Variants in PHACTR4 observed in about 807,000 individuals in gnomAD.
PHACTR4 encodes the protein protein phosphatase 1, regulatory subunit 124.
PHACTR4 carries 51 observed loss-of-function variants against 72.7 expected under a neutral mutation model. That is an observed-to-expected ratio of 0.70 (90% CI 0.56 to 0.89). The LOEUF (loss-of-function observed/expected upper bound fraction) is 0.89. PHACTR4 is among the 40% of genes least tolerant of loss of function. The pLI, the probability that PHACTR4 is intolerant of heterozygous loss-of-function variation, is 0.00. For missense variants in PHACTR4, 731 were observed against 861.8 expected, an observed-to-expected ratio of 0.85 and a Z score of 1.90; for synonymous variants, 255 against 302.5, an observed-to-expected ratio of 0.84 and a Z score of 1.63.
chr1:28,378,467 C>T (rs4908411), intron 1 of PHACTR4, among the ~76,000 whole-genome samples: 57,886 of 151,130 alleles, frequency 0.38, 12,739 homozygotes, highest in African/African-American at 0.59. Flanking sequence ...CATGCCATTG[C>T]ACTCCAGCCT....
intron 4 of PHACTR4, among the ~76,000 whole-genome samples, chr1:28,461,353 A>G (rs763690895): frequency 2.6e-5 from 4 of 152,132 alleles, no homozygotes; most frequent in Admixed American, 6.6e-5. Context: ...AGGCAGGAGA[A>G]TCACTTGAAC....
chr1:28,432,366 T>G (rs1204373885), intron 2 of PHACTR4, among the ~76,000 whole-genome samples: 1 of 136,428 alleles, frequency 7.3e-6, no homozygotes, highest in Non-Finnish European at 1.6e-5. Flanking sequence ...AGGATCTCTC[T>G]CTCTCTTTTT....
At chr1:28,447,119 C>A (rs1201238749) in intron 2 of PHACTR4, among the ~76,000 whole-genome samples, 1 of 151,388 alleles carries the variant, frequency 6.6e-6, no homozygotes, top group Non-Finnish European at 1.5e-5. Context: ...CAAAGTAATT[C>A]TCCTGCCTTG....
chr1:28,441,260 T>C (rs1261305432), intron 2 of PHACTR4, among the ~76,000 whole-genome samples: 2 of 152,092 alleles, frequency 1.3e-5, no homozygotes, highest in African/African-American at 4.8e-5. Context: ...TATTTGTGTG[T>C]GTGAAAATGG....
intron 2 of PHACTR4, among the ~76,000 whole-genome samples, chr1:28,436,856 G>A (rs1656668655): frequency 6.6e-6 from 1 of 152,158 alleles, no homozygotes; most frequent in Admixed American, 6.5e-5. Flanking sequence ...ATCTTTCCAT[G>A]TATTATGCCC....
intron 12 of PHACTR4, among the ~76,000 whole-genome samples, chr1:28,492,208 A>G (rs1478614736): frequency 6.6e-6 from 1 of 152,160 alleles, no homozygotes; most frequent in Non-Finnish European, 1.5e-5. Context: ...AGGCCAATGC[A>G]GAGGGATCAC....
At position 28,499,861 on chromosome 1, in the gene PHACTR4, A is replaced by G. The variant is rs1359577418; in HGVS notation, c.*3312A>G. 2.6e-5 allele frequency: 4 copies of G among 152,208 alleles called. No homozygotes were observed. The highest frequency in any genetic ancestry group is 4.4e-5 in the Non-Finnish European group (3 of 68,040). The allele number at this position is 152,208 out of a possible 1,614,324, so 9.4% of individuals were successfully genotyped here. A position where few individuals can be genotyped will look rare whatever the true frequency, so the allele number is the denominator to read the frequency against. On this transcript the variant is annotated 3_prime_UTR_variant, in exon 14 of 14. Transcript: ENST00000373839. ...TCTATTAGAGGTCTGGATATAAGGT[A>G]GCCACACAATAACTCTAACTTGACT... is the stretch of plus-strand genomic sequence containing the variant.
At chr1:28,427,994 T>G (rs1223586332) in intron 2 of PHACTR4, among the ~76,000 whole-genome samples, 1 of 152,242 alleles carries the variant, frequency 6.6e-6, no homozygotes, top group African/African-American at 2.4e-5. Context: ...CATTTATTTC[T>G]TTGTGAGCTT....
chr1:28,401,494 A>G (rs1201783645), intron 1 of PHACTR4, among the ~76,000 whole-genome samples: 2 of 151,810 alleles, frequency 1.3e-5, no homozygotes, highest in Middle Eastern at 3.2e-3. Context: ...TTTAGTAGAG[A>G]CGAGGTTTCA....
rs1027404929 is a variant in PHACTR4 at position 28,497,911 on chromosome 1, G to T, written c.*1362G>T. On this transcript the variant is annotated 3_prime_UTR_variant, in exon 14 of 14. Coordinates refer to ENST00000373839, the MANE Select transcript of PHACTR4 (RefSeq NM_001048183.3). ...CTGGGGAGGCTGAGGCGGGAGAATTGCTTGAACCTGGGAGGTGGAGATTGC... is the reference window on the plus strand; with the variant it reads ...CTGGGGAGGCTGAGGCGGGAGAATTTCTTGAACCTGGGAGGTGGAGATTGC... 22 of 151,176 alleles carry T rather than the reference G, an allele frequency of 1.5e-4. No individual in the cohort carries two copies. Among genetic ancestry groups the T allele is most frequent in the African/African-American group, 5.1e-4 (21 of 40,938 alleles). The allele number at this position is 151,176 out of a possible 1,614,324, so 9.4% of individuals were successfully genotyped here. A position where few individuals can be genotyped will look rare whatever the true frequency, so the allele number is the denominator to read the frequency against.
intron 1 of PHACTR4, among the ~76,000 whole-genome samples, chr1:28,393,642 A>G (rs1653237510): frequency 6.6e-6 from 1 of 152,078 alleles, no homozygotes; most frequent in Non-Finnish European, 1.5e-5. Context: ...TGGTTTATAT[A>G]TTTACTATAC....
chr1:28,392,227 G>T (rs577785251), intron 1 of PHACTR4, among the ~76,000 whole-genome samples: 128 of 152,094 alleles, frequency 8.4e-4, no homozygotes, highest in African/African-American at 2.7e-3. Context: ...TCATCTCTTT[G>T]CTCGGTGTCT....
chr1:28,430,667 G>C (rs1186338448), intron 2 of PHACTR4, among the ~76,000 whole-genome samples: 1 of 152,146 alleles, frequency 6.6e-6, no homozygotes, highest in Non-Finnish European at 1.5e-5. Flanking sequence ...TCACGTCCTA[G>C]AGGAAAGTGA....
Position 28,474,114 on chromosome 1 carries a change from A to G in PHACTR4, c.1384A>G (p.Thr462Ala), listed in dbSNP as rs1570067925. 1 of 1,613,842 alleles carries G rather than the reference A, an allele frequency of 6.2e-7. No homozygotes were observed. The highest frequency in any genetic ancestry group is 2.2e-5 in the East Asian group (1 of 44,894). ...TGAGGACAGCAGTACGCTGGGTCGG[A>G]CCAGGTCTCTTCCCATCACTATTGA... Reference protein sequence around the residue: ...FSEDSSTLGRTRSLPITIEML... With the variant: ...FSEDSSTLGRARSLPITIEML... The change falls in exon 7 of 14, where the codon ACC becomes GCC. Residue 462 changes from threonine to alanine, a missense_variant. Coordinates refer to ENST00000373839, the MANE Select transcript of PHACTR4 (RefSeq NM_001048183.3).
intron 1 of PHACTR4, among the ~76,000 whole-genome samples, chr1:28,370,232 A>C (rs1442048938): frequency 6.6e-6 from 1 of 152,004 alleles, no homozygotes; most frequent in Non-Finnish European, 1.5e-5. Flanking sequence ...GTCAAAGTAC[A>C]TTTTTCAAAA....
intron 1 of PHACTR4, among the ~76,000 whole-genome samples, chr1:28,401,170 C>G (rs1376719810): frequency 6.6e-6 from 1 of 151,982 alleles, no homozygotes; most frequent in African/African-American, 2.4e-5. Flanking sequence ...ATGGAAGTAC[C>G]TGGTAGGAAA....
Position 28,464,155 on chromosome 1 carries a change from G to A in PHACTR4, c.272-1530G>A, listed in dbSNP as rs373532599. Among the ~76,000 whole-genome samples, 43 of 150,924 alleles carry A rather than the reference G, an allele frequency of 2.8e-4. No individual in the cohort carries two copies. The South Asian group carries it at 8.1e-3, about 29-fold the overall frequency. ...TAATTTTTGTATTGTTAGTAAAGAC[G>A]GGGTTTCACCATGTTGGCCAGGCTG... On this transcript the variant is annotated intron_variant, in intron 4 of 13. Transcript: ENST00000373839.
At chr1:28,487,041 AATAC>A (rs571585106) in intron 9 of PHACTR4, among the ~76,000 whole-genome samples, 3 of 151,940 alleles carry the variant, frequency 2.0e-5, no homozygotes, top group Non-Finnish European at 2.9e-5. Flanking sequence ...TAAATAAATA[AATAC>A]ATACATACAT....
intron 2 of PHACTR4, chr1:28,457,318 G>A (rs1372400347): frequency 4.5e-6 from 2 of 449,160 alleles, no homozygotes; most frequent in Non-Finnish European, 9.0e-6. Context: ...AGAGAGGCCA[G>A]GTGTGGTGGT....
Sources: allele counts gnomAD v4.1 joint callset (sites outside exome capture counted in the v4.1 genomes callset), GRCh38; gene constraint gnomAD v4.1.1; transcripts MANE v1.5; gene names NCBI Gene and HGNC (gene_info 2026-07-23, HGNC 2026-07-21).